The following RHPN1 variants were observed in gnomAD, a reference collection of about 807,000 sequenced individuals.
The protein encoded by RHPN1 is rhophilin Rho GTPase binding protein 1, also known as rhophilin-1.
In RHPN1, 77 loss-of-function variants were observed where a neutral mutation model predicts 74.7. The observed-to-expected ratio is 1.03, with a 90% confidence interval of 0.86 to 1.25. The LOEUF is 1.25. Among genes scored for constraint, RHPN1 ranks in the 50% most tolerant of loss-of-function variants. The pLI is 0.00. For missense variants in RHPN1, 987 were observed against 932.2 expected, an observed-to-expected ratio of 1.06 and a Z score of -0.77; for synonymous variants, 444 against 414.5, an observed-to-expected ratio of 1.07 and a Z score of -0.87.
At chr8:143,370,940 G>T (rs1001919727) in intron 1 of RHPN1, among the ~76,000 whole-genome samples, 4 of 152,186 alleles carry the variant, frequency 2.6e-5, no homozygotes, top group Admixed American at 6.5e-5. Context: ...GGGCAGGGTG[G>T]CTGTGCCCCC....
Position 143,378,992 on chromosome 8 carries a change from C to T in RHPN1, c.665C>T (p.Ala222Val). ...GGCAGCGTTCTCTTCAACATCGGTG[C>T]CCTCCACACGCAGATTGGGGCGCGC... is the stretch of plus-strand genomic sequence containing the variant. ...EKGSVLFNIG[A>V]LHTQIGARQD... Residue 222 changes from alanine (A) to valine (V), a missense_variant, in exon 7 of 15, where the codon GCC (alanine) becomes GTC (valine). Coordinates refer to ENST00000289013, the MANE Select transcript of RHPN1 (RefSeq NM_052924.3). 6.4e-7 allele frequency: 1 copy of T among 1,554,804 alleles called. No individual in the cohort carries two copies. Among genetic ancestry groups the T allele is most frequent in the Non-Finnish European group, 8.7e-7 (1 of 1,149,668 alleles).
chr8:143,370,376 C>T (rs960731458), intron 1 of RHPN1, among the ~76,000 whole-genome samples: 1 of 152,178 alleles, frequency 6.6e-6, no homozygotes, highest in Admixed American at 6.5e-5. Context: ...GTGTCACACG[C>T]GCACCACTCA....
intron 1 of RHPN1, 84 bp downstream of exon 1, chr8:143,369,131 C>T: frequency 9.0e-7 from 1 of 1,109,456 alleles, no homozygotes; most frequent in South Asian, 1.7e-5. Flanking sequence ...GTTCCGGGCG[C>T]CCCCCTCCTA....
Position 143,380,731 on chromosome 8 carries a change from G to C in RHPN1, c.1359G>C (p.Glu453Asp). Reference protein sequence around the residue: ...TLQRSLAKYAELDREDDFCEA... With the variant: ...TLQRSLAKYADLDREDDFCEA... Reference sequence around the variant, plus strand: ...AGCGCTCACTGGCCAAGTATGCGGAGCTCGACCGTGAGGATGACTTCTGTG... The same window carrying C: ...AGCGCTCACTGGCCAAGTATGCGGACCTCGACCGTGAGGATGACTTCTGTG... The change falls in exon 11 of 15, where the codon GAG (glutamate) becomes GAC (aspartate). Residue 453 changes from glutamate (E) to aspartate (D), a missense_variant. Transcript: ENST00000289013. 1 of 1,594,954 alleles carries C rather than the reference G, an allele frequency of 6.3e-7. No homozygotes were observed. Among genetic ancestry groups the C allele is most frequent in the Non-Finnish European group, 8.5e-7 (1 of 1,171,202 alleles).
In RHPN1 at chr8:143,377,445, C is replaced by T. The variant is rs535078676; in HGVS notation, c.371C>T (p.Thr124Ile). The change falls in exon 4 of 15, where the codon ACA (threonine) becomes ATA (isoleucine). Residue 124 changes from threonine to isoleucine, a missense_variant. Thr to Ile is a moderately conservative substitution (Grantham distance 89, BLOSUM62 -1). Coordinates refer to ENST00000289013, the MANE Select transcript of RHPN1 (RefSeq NM_052924.3). ...LKETKELDWS[T>I]PLKELISVHF... Reference sequence around the variant, plus strand: ...GAGACCAAGGAGCTGGACTGGTCTACACCGCTGAAGGTAGGTACTGGCCTC... The same window carrying T: ...GAGACCAAGGAGCTGGACTGGTCTATACCGCTGAAGGTAGGTACTGGCCTC... 3.1e-6 allele frequency: 5 copies of T among 1,612,742 alleles called. No individual in the cohort carries two copies. The Admixed American group carries it at 8.3e-5, about 27-fold the overall frequency.
Position 143,378,348 on chromosome 8 carries a change from T to G in RHPN1, c.459+2T>G, listed in dbSNP as rs1818426595. ...AGGGAGCTGGAGGCCCTGCGGCAGG[T>G]GTGTGGTTCCCCCGCCCACCCACCC... On this transcript the variant is annotated splice_donor_variant, in intron 5 of 14. Transcript: ENST00000289013. LOFTEE classifies it high-confidence loss of function. 6.5e-7 allele frequency: 1 copy of G among 1,545,010 alleles called. No homozygotes were observed. Among genetic ancestry groups the G allele is most frequent in the Non-Finnish European group, 8.7e-7 (1 of 1,145,652 alleles).
intron 1 of RHPN1, among the ~76,000 whole-genome samples, chr8:143,371,320 T>G (rs776965387): frequency 6.6e-6 from 1 of 151,996 alleles, no homozygotes; most frequent in Non-Finnish European, 1.5e-5. Context: ...GTTCTTGCAT[T>G]CAGGTGAGAC....
In RHPN1 at chr8:143,379,806, G is replaced by T. The variant is rs751194757; in HGVS notation, c.946-23G>T. 16 of 1,595,828 alleles carry T rather than the reference G, an allele frequency of 1.0e-5. No homozygotes were observed. The East Asian group carries it at 3.1e-4, about 31-fold the overall frequency. ...CACCTGGAGAGTGGGAGGCCCTCGC[G>T]TGCCTGCCACATCCACCGGCAGGTG... is the stretch of plus-strand genomic sequence containing the variant. On this transcript the variant is annotated intron_variant, in intron 8 of 14. Coordinates refer to ENST00000289013, the MANE Select transcript of RHPN1 (RefSeq NM_052924.3).
In RHPN1 at chr8:143,379,874, C is replaced by T; in HGVS notation, c.991C>T (p.Pro331Ser). The T allele has an allele frequency of 6.2e-7, 1 of 1,610,998 alleles. No homozygotes were observed. The highest frequency in any genetic ancestry group is 2.2e-5 in the East Asian group (1 of 44,836). Residue 331 changes from proline to serine, a missense_variant, in exon 9 of 15, where the codon CCC becomes TCC. Physicochemically the swap from Pro to Ser is moderately conservative, Grantham distance 74 (BLOSUM62 -1). Transcript: ENST00000289013. ...AGTGCACCGGACCATGGCCCAGCCA[C>T]CCGTCCACGACTACGTGCCTGTCTC... is the stretch of plus-strand genomic sequence containing the variant. The part of the protein sequence containing the change: ...RLVHRTMAQP[P>S]VHDYVPVSWT...
At chr8:143,381,376 C>T in intron 12 of RHPN1, 32 bp downstream of exon 12, 1 of 1,577,276 alleles carries the variant, frequency 6.3e-7, no homozygotes. Flanking sequence ...CACCGCCCAG[C>T]ATGGGCAGCT....
Position 143,379,450 on chromosome 8 carries a change from C to T in RHPN1, c.887C>T (p.Ala296Val). 3 of 1,573,188 alleles carry T rather than the reference C, an allele frequency of 1.9e-6. No homozygotes were observed. Among genetic ancestry groups the T allele is most frequent in the Non-Finnish European group, 2.6e-6 (3 of 1,159,888 alleles). Reference sequence around the variant, plus strand: ...GTGTTTGAGGGCCTCTCACCACCTGCCTCCATGGCCCCCCAAGACTGCCTG... The same window carrying T: ...GTGTTTGAGGGCCTCTCACCACCTGTCTCCATGGCCCCCCAAGACTGCCTG... ...ECVFEGLSPPASMAPQDCLAQ... is the reference protein window; with the variant it reads ...ECVFEGLSPPVSMAPQDCLAQ... The change falls in exon 8 of 15, where the codon GCC (alanine) becomes GTC (valine). Residue 296 changes from alanine to valine, a missense_variant. Transcript: ENST00000289013.
chr8:143,374,281 GCTTCATGCAGTGGTAGGTCAGTTT>G (rs951604535), intron 1 of RHPN1: 1 of 985,356 alleles, frequency 1.0e-6, no homozygotes, highest in Non-Finnish European at 1.2e-6. Flanking sequence ...TGAATCCGCA[GCTTCATGCAGTGGTAGGTCAGTTT>G]CATGGTGGCA....
In RHPN1 at chr8:143,377,438, T is replaced by C. The variant is rs1340357827; in HGVS notation, c.364T>C (p.Trp122Arg). The change falls in exon 4 of 15, where the codon TGG (tryptophan) becomes CGG (arginine). Residue 122 changes from tryptophan (W) to arginine (R), a missense_variant. Trp to Arg is a moderately radical substitution (Grantham distance 101). Transcript: ENST00000289013. The stretch of plus-strand genomic sequence containing the variant: ...CCTGAAGGAGACCAAGGAGCTGGAC[T>C]GGTCTACACCGCTGAAGGTAGGTAC... ...LGLKETKELD[W>R]STPLKELISV... The C allele has an allele frequency of 6.2e-7, 1 of 1,613,104 alleles. No homozygotes were observed.
rs770788862 is a variant in RHPN1, at chr8:143,378,924, T to C, written c.597T>C (p.Leu199=). ...CCCAACACTGCAGGTACGACTCGCT[T>C]ACTGGGGTCCCGGCCCAGCAGCGTG... ...LGLFFHWYDS[L]TGVPAQQRAL... The change falls in exon 7 of 15, where the codon CTT becomes CTC. Residue 199 remains leucine, a synonymous_variant. Coordinates refer to ENST00000289013, the MANE Select transcript of RHPN1 (RefSeq NM_052924.3). 6.3e-7 allele frequency: 1 copy of C among 1,584,638 alleles called. No individual in the cohort carries two copies. Among genetic ancestry groups the C allele is most frequent in the East Asian group, 2.3e-5 (1 of 42,756 alleles).
At chr8:143,373,758 C>T (rs1818026797) in intron 1 of RHPN1, among the ~76,000 whole-genome samples, 1 of 151,820 alleles carries the variant, frequency 6.6e-6, no homozygotes, top group Non-Finnish European at 1.5e-5. Context: ...ATCCTCCAGT[C>T]TCTGTCTCTG....
intron 1 of RHPN1, 115 bp from the exon 2 acceptor site, chr8:143,375,438 A>G: frequency 1.5e-6 from 1 of 658,202 alleles, no homozygotes; most frequent in Non-Finnish European, 2.5e-6. Context: ...GCCCCAGCGC[A>G]TGGTGACCAT....
At chr8:143,366,222 C>T (rs982657265), upstream of RHPN1, among the ~76,000 whole-genome samples, 3 of 152,042 alleles carry the variant, frequency 2.0e-5, no homozygotes, top group African/African-American at 7.3e-5. Context: ...AAGGTCCCGG[C>T]GCTCACTGCC....
In RHPN1 at chr8:143,379,984, C is replaced by T; in HGVS notation, c.1101C>T (p.Ser367=). ...TAGCCATGGCCCTCTGCGACGGCTC[C>T]CGTGAGTGCCCACCACACTTGCCCA... ...YHVAMALCDG[S]PATEGELPTH... Residue 367 remains serine, a splice_region_variant and synonymous_variant, in exon 9 of 15, where the codon TCC becomes TCT. Coordinates refer to ENST00000289013, the MANE Select transcript of RHPN1 (RefSeq NM_052924.3). 5 of 1,559,392 alleles carry T rather than the reference C, an allele frequency of 3.2e-6. No individual in the cohort carries two copies. The highest frequency in any genetic ancestry group is 4.3e-6 in the Non-Finnish European group (5 of 1,152,776).
chr8:143,376,991 C>T (rs542134507), intron 3 of RHPN1, among the ~76,000 whole-genome samples: 2 of 148,034 alleles, frequency 1.4e-5, no homozygotes, highest in East Asian at 4.0e-4. Context: ...TGCATGTCTG[C>T]GTGTATGTGG....
Sources: allele counts gnomAD v4.1 joint callset (sites outside exome capture counted in the v4.1 genomes callset), GRCh38; gene constraint gnomAD v4.1.1; transcripts MANE v1.5; gene names NCBI Gene and HGNC (gene_info 2026-07-23, HGNC 2026-07-21).